RASA2: variants seen among roughly 807,000 people sequenced by gnomAD.
RASA2 encodes RAS p21 protein activator 2.
In RASA2, 155 loss-of-function variants were observed where a neutral mutation model predicts 118.2. The ratio of observed to expected loss-of-function variants is 1.31; its 90% CI spans 1.15 to 1.50. RASA2 has a LOEUF of 1.50. Among genes scored for constraint, RASA2 ranks in the 40% most tolerant of loss-of-function variants. The probability of loss-of-function intolerance (pLI) is 0.00; values close to 1 mark genes in which losing one functional copy is unlikely to be tolerated. For missense variants in RASA2, 1,016 were observed against 1,009.6 expected (o/e 1.01, Z -0.09); for synonymous variants, 353 against 349.1 (o/e 1.01, Z -0.12).
chr3:141,572,506 C>G (rs972463024), intron 11 of RASA2, 103 bp from the exon 12 acceptor site: 1 of 782,320 alleles, frequency 1.3e-6, no homozygotes, highest in Non-Finnish European at 2.2e-6. Context: ...ATGTCTTAAT[C>G]TATTTCAGCT....
chr3:141,575,984 T>G (rs1248983373), intron 14 of RASA2, among the ~76,000 whole-genome samples: 1 of 151,818 alleles, frequency 6.6e-6, no homozygotes, highest in Non-Finnish European at 1.5e-5. Context: ...TCCATGTTGG[T>G]CAGGCTGGTC....
intron 17 of RASA2, among the ~76,000 whole-genome samples, chr3:141,581,993 TAAGAATTAAAA>T (rs1203815814): frequency 1.3e-5 from 2 of 152,188 alleles, no homozygotes; most frequent in African/African-American, 4.8e-5. Context: ...GTCTAGAAGT[TAAGAATTAAAA>T]AATAAGGAAA....
intron 1 of RASA2, among the ~76,000 whole-genome samples, chr3:141,489,133 AAC>A (rs2081610798): frequency 6.6e-6 from 1 of 152,246 alleles, no homozygotes; most frequent in Non-Finnish European, 1.5e-5. Context: ...TTACTGCTTT[AAC>A]CACAGTTGAA....
At chr3:141,575,668 A>G (rs147152456) in intron 14 of RASA2, among the ~76,000 whole-genome samples, 2 of 150,536 alleles carry the variant, frequency 1.3e-5, no homozygotes, top group African/African-American at 4.9e-5. Flanking sequence ...AGTCTACTCC[A>G]AACTACATGC....
chr3:141,501,148 A>G (rs1364319390), intron 1 of RASA2, among the ~76,000 whole-genome samples: 1 of 152,222 alleles, frequency 6.6e-6, no homozygotes, highest in African/African-American at 2.4e-5. Flanking sequence ...CAGGCCAAAC[A>G]AATCTCTGGC....
chr3:141,506,439 T>G (rs1419041163), intron 1 of RASA2, among the ~76,000 whole-genome samples: 1 of 152,244 alleles, frequency 6.6e-6, no homozygotes, highest in Non-Finnish European at 1.5e-5. Context: ...TTCATTCAAA[T>G]GCAAGTAAAA....
intron 1 of RASA2, among the ~76,000 whole-genome samples, chr3:141,507,367 A>G (rs1372014253): frequency 6.6e-6 from 1 of 152,260 alleles, no homozygotes; most frequent in Non-Finnish European, 1.5e-5. Context: ...AAAAATTTTA[A>G]GTGGCTTACA....
intron 5 of RASA2, among the ~76,000 whole-genome samples, chr3:141,545,960 T>C (rs1043934957): frequency 2.0e-5 from 3 of 152,194 alleles, no homozygotes; most frequent in Non-Finnish European, 4.4e-5. Context: ...ACGAGGTTTG[T>C]CTTTCTGTGC....
intron 9 of RASA2, 137 bp downstream of exon 9, chr3:141,560,132 C>A: frequency 1.7e-6 from 1 of 594,512 alleles, no homozygotes; most frequent in Non-Finnish European, 2.8e-6. Context: ...TTGATATGTT[C>A]ATTAATTCAT....
chr3:141,553,253 G>T (rs1465402391), intron 5 of RASA2, among the ~76,000 whole-genome samples: 1 of 152,140 alleles, frequency 6.6e-6, no homozygotes, highest in Non-Finnish European at 1.5e-5. Flanking sequence ...TTGGTTTGTA[G>T]CTTCTCATTT....
At chr3:141,600,452 G>T (rs1257857386) in intron 19 of RASA2, 3 of 401,042 alleles carry the variant, frequency 7.5e-6, no homozygotes, top group Non-Finnish European at 1.5e-5. Flanking sequence ...ATAAGGAGCA[G>T]GTTGCGCTCC....
At chr3:141,568,658 A>G (rs147847923) in intron 9 of RASA2, among the ~76,000 whole-genome samples, 24 of 152,234 alleles carry the variant, frequency 1.6e-4, no homozygotes, top group African/African-American at 4.8e-4. Flanking sequence ...TCAAAGAGTG[A>G]TGAAAATAGT....
Position 141,586,073 on chromosome 3 carries a change from A to G in RASA2, c.1801A>G (p.Ser601Gly). ...TGAAACTAAAGAGTCCAGTGGTACG[A>G]GTGAGCCTGTGCACCTGAAAGAAGG... Reference protein sequence around the residue: ...STETKESSGTSEPVHLKEGEM... With the variant: ...STETKESSGTGEPVHLKEGEM... Residue 601 changes from serine to glycine, a missense_variant, in exon 18 of 24, where the codon AGT (serine) becomes GGT (glycine). Transcript: ENST00000286364. The G allele has an allele frequency of 1.2e-6, 2 of 1,610,628 alleles. No homozygotes were observed. The highest frequency in any genetic ancestry group is 2.7e-5 in the African/African-American group (2 of 74,950).
chr3:141,521,667 G>A (rs529061252), intron 3 of RASA2, among the ~76,000 whole-genome samples: 24 of 152,198 alleles, frequency 1.6e-4, no homozygotes, highest in African/African-American at 5.8e-4. Context: ...TTAGGGAGTG[G>A]TGTCAGAAAG....
chr3:141,554,005 TA>T, intron 6 of RASA2, 65 bp downstream of exon 6: 1 of 1,542,980 alleles, frequency 6.5e-7, no homozygotes, highest in Non-Finnish European at 8.7e-7. Flanking sequence ...ATTTAAAAAG[TA>T]AGATTCTACG....
At chr3:141,560,358 G>A (rs556264867) in intron 9 of RASA2, among the ~76,000 whole-genome samples, 47 of 152,152 alleles carry the variant, frequency 3.1e-4, no homozygotes, top group Non-Finnish European at 5.9e-4. Context: ...AGTGGTCATA[G>A]GAACTGTGGG....
intron 1 of RASA2, among the ~76,000 whole-genome samples, chr3:141,511,067 A>C (rs1331203946): frequency 6.6e-6 from 1 of 152,170 alleles, no homozygotes; most frequent in Non-Finnish European, 1.5e-5. Flanking sequence ...CAAGGCAAAG[A>C]GAACTGGTTG....
intron 17 of RASA2, among the ~76,000 whole-genome samples, chr3:141,582,663 T>G (rs2083133742): frequency 6.6e-6 from 1 of 152,096 alleles, no homozygotes; most frequent in African/African-American, 2.4e-5. Flanking sequence ...CTGTCTCAGA[T>G]TTGGTTCTAG....
At position 141,504,342 on chromosome 3, in the gene RASA2, TTGTC is replaced by T. The variant is rs200996771; in HGVS notation, c.134-7818_134-7815del. ...CTAGGACCCTTTGTCCTTGGACAGA[TTGTC>T]TGCACTTGGATGTATAAGGCATCTC... is the stretch of plus-strand genomic sequence containing the variant. On this transcript the variant is annotated intron_variant, in intron 1 of 23. Transcript: ENST00000286364. Among the ~76,000 whole-genome samples, 967 of 152,346 alleles carry T rather than the reference TTGTC, an allele frequency of 6.3e-3. 12 individuals carry two copies. Among genetic ancestry groups the T allele is most frequent in the African/African-American group, 0.022 (929 of 41,584 alleles).
Sources: allele counts gnomAD v4.1 joint callset (sites outside exome capture counted in the v4.1 genomes callset), GRCh38; gene constraint gnomAD v4.1.1; transcripts MANE v1.5; gene names NCBI Gene and HGNC (gene_info 2026-07-23, HGNC 2026-07-21).